DGKB: variants seen among roughly 807,000 people sequenced by gnomAD.
DGKB encodes the protein diacylglycerol kinase beta, also known as 90 kDa diacylglycerol kinase.
A neutral mutation model predicts 114.3 loss-of-function variants in DGKB; 67 were observed. The ratio of observed to expected loss-of-function variants is 0.59; its 90% CI spans 0.48 to 0.72. The LOEUF (loss-of-function observed/expected upper bound fraction) is 0.72, where lower values mean the gene tolerates loss of function less well. DGKB is among the 30% of genes least tolerant of loss of function. The pLI is 0.00. For synonymous variants in DGKB, 398 were observed against 323.1 expected (o/e 1.23, Z -2.49); for missense variants, 907 against 975.2 (o/e 0.93, Z 0.93).
chr7:14,655,791 A>G (rs1264113565), intron 13 of DGKB, among the ~76,000 whole-genome samples: 1 of 151,674 alleles, frequency 6.6e-6, no homozygotes, highest in Non-Finnish European at 1.5e-5. Flanking sequence ...AGAAAGATCA[A>G]TACCACATTC....
intron 20 of DGKB, among the ~76,000 whole-genome samples, chr7:14,543,710 G>A (rs957609957): frequency 6.6e-6 from 1 of 152,082 alleles, no homozygotes; most frequent in African/African-American, 2.4e-5. Context: ...CTCACACATA[G>A]AAACTCAATA....
intron 21 of DGKB, among the ~76,000 whole-genome samples, chr7:14,396,172 T>C (rs2128717961): frequency 1.3e-5 from 2 of 152,196 alleles, no homozygotes; most frequent in East Asian, 3.9e-4. Context: ...ATATATTAAC[T>C]GTGAATAGAT....
Position 14,553,865 on chromosome 7 carries a change from CTTTTTTT to C in DGKB, c.1770+20340_1770+20346del, listed in dbSNP as rs58879064. 0.02 allele frequency among the ~76,000 whole-genome samples: 1,439 copies of C among 71,176 alleles called. 28 individuals are homozygous for C. The East Asian group carries it at 0.24, about 12-fold the overall frequency. 46.7% of individuals were successfully genotyped at this position (71,176 alleles called of 152,430 possible). A position where few individuals can be genotyped will look rare whatever the true frequency, so the allele number is the denominator to read the frequency against. ...ATATATTTGTGTGCTCCTTTACATGCTTTTTTTTTTTTTTTTTTTTTTTTTGAGACGG... is the reference window on the plus strand; with the variant it reads ...ATATATTTGTGTGCTCCTTTACATGCTTTTTTTTTTTTTTTTTTGAGACGG... On this transcript the variant is annotated intron_variant, in intron 20 of 25. Transcript: ENST00000402815.
chr7:14,171,047 A>G (rs944830616), intron 25 of DGKB, among the ~76,000 whole-genome samples: 2 of 152,158 alleles, frequency 1.3e-5, no homozygotes, highest in Admixed American at 1.3e-4. Context: ...GATCATACCT[A>G]AGACAGCAAG....
chr7:14,269,493 A>G (rs1005637535), intron 23 of DGKB, among the ~76,000 whole-genome samples: 6 of 152,194 alleles, frequency 3.9e-5, no homozygotes, highest in Admixed American at 6.5e-5. Flanking sequence ...TTTTGCTGCT[A>G]TGAGCCACGG....
intron 23 of DGKB, among the ~76,000 whole-genome samples, chr7:14,206,971 G>C (rs145733388): frequency 6.6e-6 from 1 of 151,470 alleles, no homozygotes; most frequent in Non-Finnish European, 1.5e-5. Flanking sequence ...TAAGTATTAG[G>C]GTAAAAATGT....
chr7:14,249,812 C>T (rs1049712000), intron 23 of DGKB, among the ~76,000 whole-genome samples: 6 of 151,916 alleles, frequency 3.9e-5, no homozygotes, highest in African/African-American at 1.4e-4. Flanking sequence ...AAATCATTTT[C>T]TCATGTTTAT....
At chr7:14,245,798 T>G (rs1035817755) in intron 23 of DGKB, among the ~76,000 whole-genome samples, 1 of 151,846 alleles carries the variant, frequency 6.6e-6, no homozygotes, top group Non-Finnish European at 1.5e-5. Context: ...CATGGTGGTG[T>G]GCGCCTGTAG....
At chr7:14,813,827 C>A (rs1843738739) in intron 2 of DGKB, among the ~76,000 whole-genome samples, 1 of 151,986 alleles carries the variant, frequency 6.6e-6, no homozygotes, top group African/African-American at 2.4e-5. Context: ...ATATTATTTA[C>A]ACATTTTCAT....
At chr7:14,604,863 C>G (rs1435444794) in intron 17 of DGKB, among the ~76,000 whole-genome samples, 2 of 152,124 alleles carry the variant, frequency 1.3e-5, no homozygotes, top group Non-Finnish European at 2.9e-5. Context: ...TAAACAAAGA[C>G]TAGCTCTCTA....
At chr7:14,901,599 A>AC (rs1783066951) in intron 1 of DGKB, among the ~76,000 whole-genome samples, 1 of 136,824 alleles carries the variant, frequency 7.3e-6, no homozygotes, top group African/African-American at 2.7e-5. Flanking sequence ...TGTTTGAGGG[A>AC]TTTCCACCCC....
At chr7:14,784,944 C>CTACT (rs1347021431) in intron 2 of DGKB, among the ~76,000 whole-genome samples, 1 of 152,034 alleles carries the variant, frequency 6.6e-6, no homozygotes, top group Non-Finnish European at 1.5e-5. Context: ...GTCTGCCACA[C>CTACT]TACTGGTCTC....
chr7:14,723,485 T>A (rs141619830), intron 5 of DGKB, among the ~76,000 whole-genome samples: 1 of 152,292 alleles, frequency 6.6e-6, no homozygotes, highest in East Asian at 1.9e-4. Context: ...TAGTATAATC[T>A]GCAGATTCTT....
chr7:14,471,542 T>G (rs1008445433), intron 21 of DGKB, among the ~76,000 whole-genome samples: 1 of 150,868 alleles, frequency 6.6e-6, no homozygotes, highest in African/African-American at 2.4e-5. Context: ...AATCTATAAG[T>G]AATCTCATAT....
chr7:14,693,436 C>T (rs139018879), intron 9 of DGKB, among the ~76,000 whole-genome samples: 3,034 of 151,870 alleles, frequency 0.02, 55 homozygotes, highest in Middle Eastern at 0.048. Context: ...TTATTTTATT[C>T]CTTCACAATG....
intron 23 of DGKB, among the ~76,000 whole-genome samples, chr7:14,245,961 A>G (rs1000515073): frequency 2.0e-5 from 3 of 152,138 alleles, no homozygotes; most frequent in Admixed American, 6.6e-5. Flanking sequence ...AACAGAAAAC[A>G]TGCTTTCATG....
chr7:14,309,226 A>G (rs1288768854), intron 23 of DGKB, among the ~76,000 whole-genome samples: 1 of 152,170 alleles, frequency 6.6e-6, no homozygotes, highest in Admixed American at 6.5e-5. Flanking sequence ...AAAAGAAAAA[A>G]AAAGTAAAAT....
chr7:14,406,062 G>C (rs1361434399), intron 21 of DGKB, among the ~76,000 whole-genome samples: 1 of 152,028 alleles, frequency 6.6e-6, no homozygotes, highest in Non-Finnish European at 1.5e-5. Context: ...GTATATTCAA[G>C]AGAAGTTGGA....
chr7:14,316,044 A>G (rs1372756424), intron 23 of DGKB, among the ~76,000 whole-genome samples: 2 of 150,608 alleles, frequency 1.3e-5, no homozygotes, highest in African/African-American at 5.0e-5. Flanking sequence ...TTGGGTACAT[A>G]ACGAAATGAA....
Sources: allele counts gnomAD v4.1 joint callset (sites outside exome capture counted in the v4.1 genomes callset), GRCh38; gene constraint gnomAD v4.1.1; transcripts MANE v1.5; gene names NCBI Gene and HGNC (gene_info 2026-07-23, HGNC 2026-07-21).